Variants in HOOK3 observed in about 807,000 individuals in gnomAD.
HOOK3 encodes hook microtubule tethering protein 3.
A neutral mutation model predicts 116.3 loss-of-function variants in HOOK3; 24 were observed. That is an observed-to-expected ratio of 0.21 (90% CI 0.15 to 0.29). The LOEUF is 0.29. HOOK3 is among the 10% of genes least tolerant of loss of function. The pLI, the probability that HOOK3 is intolerant of heterozygous loss-of-function variation, is 1.00. For synonymous variants in HOOK3, 275 were observed against 283.0 expected (o/e 0.97, Z 0.28); for missense variants, 632 against 830.2 (o/e 0.76, Z 2.93).
At position 42,973,406 on chromosome 8, in the gene HOOK3, A is replaced by G; in HGVS notation, c.1233+7A>G. ...TCTTCAAAAAGAAAAGGACGTGAGT[A>G]TATATATTAGGCATTTTGGTTTTGA... On this transcript the variant is annotated splice_region_variant and intron_variant, in intron 12 of 21. Transcript: ENST00000307602. 1.9e-6 allele frequency: 3 copies of G among 1,596,650 alleles called. No homozygotes were observed. The South Asian group carries it at 3.4e-5, about 18-fold the overall frequency.
chr8:42,970,939 C>T (rs556065815), intron 11 of HOOK3, among the ~76,000 whole-genome samples: 2 of 151,792 alleles, frequency 1.3e-5, no homozygotes, highest in East Asian at 1.9e-4. Flanking sequence ...AAGTGTGTGC[C>T]GCCACACTCA....
chr8:42,937,369 T>G (rs955343229), intron 4 of HOOK3, among the ~76,000 whole-genome samples: 4 of 146,348 alleles, frequency 2.7e-5, no homozygotes, highest in East Asian at 1.9e-4. Context: ...TTTTTTTTTT[T>G]GGAAGGGTTT....
chr8:42,948,123 G>C lies in HOOK3; in HGVS notation c.401-2265G>C, dbSNP rs79240435. Among the ~76,000 whole-genome samples the C allele has an allele frequency of 4.6e-5, 7 of 152,252 alleles. No individual in the cohort carries two copies. In the East Asian group the frequency reaches 1.4e-3, roughly 29 times the overall value. ...CTGGTACCAAAAAATGGTTTTTACAGACTAGGAAGCTGGGACTTGTAAGTG... is the reference window on the plus strand; with the variant it reads ...CTGGTACCAAAAAATGGTTTTTACACACTAGGAAGCTGGGACTTGTAAGTG... On this transcript the variant is annotated intron_variant, in intron 5 of 21. Coordinates refer to ENST00000307602, the MANE Select transcript of HOOK3 (RefSeq NM_032410.4).
At chr8:42,996,192 C>G (rs1014623634) in intron 15 of HOOK3, among the ~76,000 whole-genome samples, 6 of 151,888 alleles carry the variant, frequency 4.0e-5, no homozygotes, top group African/African-American at 1.2e-4. Flanking sequence ...TCGAGACCAC[C>G]CTGATCAACA....
At chr8:42,947,449 T>C (rs549964255) in intron 5 of HOOK3, among the ~76,000 whole-genome samples, 5 of 152,226 alleles carry the variant, frequency 3.3e-5, no homozygotes, top group Non-Finnish European at 5.9e-5. Flanking sequence ...AGATGTTACC[T>C]ATATGCATAT....
chr8:42,956,834 G>A (rs1008149387), intron 6 of HOOK3, among the ~76,000 whole-genome samples: 6 of 151,990 alleles, frequency 3.9e-5, no homozygotes, highest in African/African-American at 1.2e-4. Context: ...CGCCCACCTC[G>A]GCCTCCCAAA....
At chr8:42,962,402 C>T (rs1425115014) in intron 8 of HOOK3, among the ~76,000 whole-genome samples, 79 of 148,794 alleles carry the variant, frequency 5.3e-4, no homozygotes, top group Middle Eastern at 3.5e-3. Flanking sequence ...GCACCTGGCC[C>T]GTGTGTTTTT....
At chr8:42,931,679 G>T (rs1426079493) in intron 4 of HOOK3, among the ~76,000 whole-genome samples, 1 of 151,548 alleles carries the variant, frequency 6.6e-6, no homozygotes, top group East Asian at 1.9e-4. Flanking sequence ...TGATCTGCCC[G>T]CCTCGGCCTC....
At chr8:42,974,566 A>G (rs764387446) in intron 13 of HOOK3, among the ~76,000 whole-genome samples, 4 of 152,356 alleles carry the variant, frequency 2.6e-5, no homozygotes, top group Non-Finnish European at 4.4e-5. Flanking sequence ...TAGTATAAAT[A>G]AAACTATTTG....
chr8:43,011,094 G>A (rs937989566), intron 19 of HOOK3, among the ~76,000 whole-genome samples: 3 of 151,800 alleles, frequency 2.0e-5, no homozygotes, highest in African/African-American at 4.8e-5. Flanking sequence ...CCGGGTTCAC[G>A]CCATTCTCCT....
In HOOK3 at chr8:43,027,407, C is replaced by A; in HGVS notation, c.*8909C>A. 4.3e-6 allele frequency: 1 copy of A among 233,004 alleles called. No homozygotes were observed. Among genetic ancestry groups the A allele is most frequent in the Admixed American group, 8.3e-5 (1 of 12,048 alleles). 14.4% of individuals were successfully genotyped at this position (233,004 alleles called of 1,614,324 possible). A position where few individuals can be genotyped will look rare whatever the true frequency, so the allele number is the denominator to read the frequency against. On this transcript the variant is annotated 3_prime_UTR_variant, in exon 22 of 22. Coordinates refer to ENST00000307602, the MANE Select transcript of HOOK3 (RefSeq NM_032410.4). ...AGAGAGATTTGCTTATGAGAACATT[C>A]TGTCATTTGTTCTGTTTGTAGATGA...
intron 4 of HOOK3, among the ~76,000 whole-genome samples, chr8:42,931,902 G>A (rs1449558429): frequency 6.6e-6 from 1 of 152,006 alleles, no homozygotes; most frequent in African/African-American, 2.4e-5. Context: ...CTACAGGTGC[G>A]TACCACCACA....
At position 42,974,205 on chromosome 8, in the gene HOOK3, T is replaced by G; in HGVS notation, c.1321+11T>G. The G allele has an allele frequency of 6.3e-7, 1 of 1,594,008 alleles. No individual in the cohort carries two copies. The highest frequency in any genetic ancestry group is 1.3e-5 in the African/African-American group (1 of 74,620). The stretch of plus-strand genomic sequence containing the variant: ...AGCTCACAACACAAGGTAAAAACGT[T>G]TTGCGAGTACAAACCAGATGATTTC... On this transcript the variant is annotated intron_variant, in intron 13 of 21. Transcript: ENST00000307602.
intron 2 of HOOK3, among the ~76,000 whole-genome samples, chr8:42,919,241 G>C (rs1029940356): frequency 4.6e-5 from 7 of 151,320 alleles, no homozygotes; most frequent in Non-Finnish European, 8.8e-5. Flanking sequence ...CGGCTTCCGG[G>C]CAGAGGGGCT....
chr8:42,906,333 AAG>A, intron 2 of HOOK3, 75 bp downstream of exon 2: 1 of 1,062,560 alleles, frequency 9.4e-7, no homozygotes. Flanking sequence ...TGGATTAAAA[AAG>A]TACTTACATG....
At chr8:43,010,257 T>TTA (rs1021738188) in intron 18 of HOOK3, 48 bp from the exon 19 acceptor site, 1 of 393,658 alleles carries the variant, frequency 2.5e-6, no homozygotes, top group Admixed American at 5.3e-5. Flanking sequence ...TTATAACAAT[T>TTA]TATATATATT....
intron 16 of HOOK3, among the ~76,000 whole-genome samples, chr8:43,001,479 A>G (rs1258107341): frequency 1.3e-5 from 2 of 152,122 alleles, no homozygotes; most frequent in East Asian, 1.9e-4. Flanking sequence ...TATGAAATTT[A>G]GTGGTCTTAT....
Position 42,969,555 on chromosome 8 carries a change from T to C in HOOK3, c.1122+1341T>C, listed in dbSNP as rs1046280062. On this transcript the variant is annotated intron_variant, in intron 11 of 21. Transcript: ENST00000307602. Reference sequence around the variant, plus strand: ...TTGAAGAATCGCTTGAGCCTGGGCCTCAGAGGCTACAGTGAGCTATGATTG... The same window carrying C: ...TTGAAGAATCGCTTGAGCCTGGGCCCCAGAGGCTACAGTGAGCTATGATTG... Among the ~76,000 whole-genome samples, 3 of 152,308 alleles carry C rather than the reference T, an allele frequency of 2.0e-5. No individual in the cohort carries two copies. In the East Asian group the frequency reaches 5.8e-4, roughly 29 times the overall value.
At chr8:42,926,972 T>G (rs1342299369) in intron 3 of HOOK3, among the ~76,000 whole-genome samples, 1 of 152,202 alleles carries the variant, frequency 6.6e-6, no homozygotes, top group Admixed American at 6.6e-5. Context: ...TTAAATTGAT[T>G]GTTTTGACCC....
Sources: allele counts gnomAD v4.1 joint callset (sites outside exome capture counted in the v4.1 genomes callset), GRCh38; gene constraint gnomAD v4.1.1; transcripts MANE v1.5; gene names NCBI Gene and HGNC (gene_info 2026-07-23, HGNC 2026-07-21).